The following ZNF267 variants were observed in gnomAD, a reference collection of about 807,000 sequenced individuals.
The protein encoded by ZNF267 is zinc finger (C2H2).
Under a neutral mutation model 71.6 loss-of-function variants are expected in ZNF267, and 61 were observed. The ratio of observed to expected loss-of-function variants is 0.85; its 90% CI spans 0.69 to 1.05. The LOEUF is 1.05. ZNF267 is among the 50% of genes least tolerant of loss of function. ZNF267 has a pLI of 0.00. For missense variants in ZNF267, 852 were observed against 870.0 expected (o/e 0.98, Z 0.26); for synonymous variants, 288 against 293.2 (o/e 0.98, Z 0.18).
At chr16:31,912,454 C>T (rs1295305511) in intron 3 of ZNF267, 1 of 151,560 alleles carries the variant, frequency 6.6e-6, no homozygotes, top group Admixed American at 6.6e-5. Context: ...TTTTTTCTTG[C>T]TGCTTTTAGG....
At position 31,916,945 on chromosome 16, in the gene ZNF267, A is replaced by G. The variant is rs1340279553; in HGVS notation, c.*464A>G. ...GTATTTTTTGTACAGAATAATCTAA[A>G]GGCAAAATAATTAGATAATTTATTT... is the stretch of plus-strand genomic sequence containing the variant. On this transcript the variant is annotated 3_prime_UTR_variant, in exon 4 of 4. Transcript: ENST00000300870. 1 of 155,932 alleles carries G rather than the reference A, an allele frequency of 6.4e-6. No homozygotes were observed. The highest frequency in any genetic ancestry group is 1.4e-5 in the Non-Finnish European group (1 of 70,342). The allele number at this position is 155,932 out of a possible 1,614,324, so 9.7% of individuals were successfully genotyped here.
At chr16:31,889,032 T>C (rs1369879696) in intron 3 of ZNF267, among the ~76,000 whole-genome samples, 1 of 152,032 alleles carries the variant, frequency 6.6e-6, no homozygotes, top group African/African-American at 2.4e-5. Flanking sequence ...TGTGGTGTTC[T>C]TTCTAAGAAT....
intron 2 of ZNF267, 82 bp downstream of exon 2, chr16:31,884,706 T>C: frequency 7.1e-7 from 1 of 1,406,762 alleles, no homozygotes; most frequent in Non-Finnish European, 9.6e-7. Context: ...TCTTGTGCTT[T>C]GTATGAGTTA....
At chr16:31,904,852 C>A (rs1814479808) in intron 3 of ZNF267, among the ~76,000 whole-genome samples, 1 of 152,162 alleles carries the variant, frequency 6.6e-6, no homozygotes, top group Admixed American at 6.5e-5. Flanking sequence ...TTATTTTGCT[C>A]ATTAGTTGAT....
intron 3 of ZNF267, among the ~76,000 whole-genome samples, chr16:31,899,442 T>C (rs1458417688): frequency 6.6e-6 from 1 of 152,094 alleles, no homozygotes; most frequent in Non-Finnish European, 1.5e-5. Flanking sequence ...ACTGGGTAAA[T>C]AACCAAATGA....
chr16:31,909,372 ATC>A (rs1337294602), intron 3 of ZNF267, among the ~76,000 whole-genome samples: 5 of 151,748 alleles, frequency 3.3e-5, no homozygotes, highest in Admixed American at 3.3e-4. Context: ...ACCTCAAGTG[ATC>A]TGCCCACCTC....
intron 3 of ZNF267, among the ~76,000 whole-genome samples, chr16:31,888,259 G>A (rs912587272): frequency 2.6e-5 from 4 of 151,842 alleles, no homozygotes; most frequent in Non-Finnish European, 5.9e-5. Context: ...TTTTTTGTTT[G>A]TTTGGTATAG....
rs1157389137 is a variant in ZNF267, at chr16:31,873,852, T to C, written c.-115T>C. The stretch of plus-strand genomic sequence containing the variant: ...CGCCACAGCTCCGAGTCTTTCGTTC[T>C]GGGAGGCCCAGGCGGCTTCGCGTTC... On this transcript the variant is annotated 5_prime_UTR_variant, in exon 1 of 4. Transcript: ENST00000300870. The C allele has an allele frequency of 5.5e-6, 8 of 1,448,426 alleles. No homozygotes were observed. Among genetic ancestry groups the C allele is most frequent in the East Asian group, 4.6e-5 (2 of 43,566 alleles). The allele number at this position is 1,448,426 out of a possible 1,614,324, so 89.7% of individuals were successfully genotyped here.
intron 1 of ZNF267, chr16:31,875,179 T>G (rs1467584991): frequency 7.8e-7 from 1 of 1,289,048 alleles, no homozygotes; most frequent in Non-Finnish European, 1.0e-6. Flanking sequence ...CTCTATCCAG[T>G]CTTTTCCTGT....
At chr16:31,901,007 G>A (rs1301227617) in intron 3 of ZNF267, among the ~76,000 whole-genome samples, 1 of 151,766 alleles carries the variant, frequency 6.6e-6, no homozygotes, top group East Asian at 1.9e-4. Context: ...GTGTCCATGT[G>A]TTCTCTTTGT....
intron 2 of ZNF267, 104 bp downstream of exon 2, chr16:31,884,728 T>G: frequency 1.6e-6 from 2 of 1,245,598 alleles, no homozygotes; most frequent in Non-Finnish European, 1.1e-6. Flanking sequence ...TTTTAGATTC[T>G]TGTTTTCAGG....
At chr16:31,912,956 C>T (rs555962987) in intron 3 of ZNF267, 2 of 152,278 alleles carry the variant, frequency 1.3e-5, no homozygotes, top group East Asian at 3.9e-4. Context: ...TATGTTGAAT[C>T]ATCTGTCTGA....
rs1447085351 is a variant in ZNF267 at position 31,916,065 on chromosome 16, T to C, written c.1816T>C (p.Cys606Arg). 1 of 1,614,130 alleles carries C rather than the reference T, an allele frequency of 6.2e-7. No individual in the cohort carries two copies. Among genetic ancestry groups the C allele is most frequent in the Admixed American group, 1.7e-5 (1 of 60,028 alleles). ...RTHTGEKPYT[C>R]KECGKAFSYS... The stretch of plus-strand genomic sequence containing the variant: ...TCATACTGGAGAGAAACCCTATACA[T>C]GTAAAGAATGTGGCAAAGCCTTTAG... The change falls in exon 4 of 4, where the codon TGT becomes CGT. Residue 606 changes from cysteine (C) to arginine (R), a missense_variant. Coordinates refer to ENST00000300870, the MANE Select transcript of ZNF267 (RefSeq NM_003414.6).
At chr16:31,904,673 A>T (rs148942022) in intron 3 of ZNF267, among the ~76,000 whole-genome samples, 2 of 152,096 alleles carry the variant, frequency 1.3e-5, no homozygotes, top group Non-Finnish European at 2.9e-5. Flanking sequence ...TTGAGCCTAT[A>T]TGTGTCTCTG....
intron 3 of ZNF267, among the ~76,000 whole-genome samples, chr16:31,887,678 A>G (rs373095598): frequency 2.0e-5 from 3 of 152,306 alleles, no homozygotes; most frequent in East Asian, 1.9e-4. Context: ...TTGTCAAAGT[A>G]ATAGTTGACT....
At chr16:31,896,119 C>T (rs925408940) in intron 3 of ZNF267, among the ~76,000 whole-genome samples, 3 of 152,148 alleles carry the variant, frequency 2.0e-5, no homozygotes, top group African/African-American at 7.2e-5. Flanking sequence ...TCAAGTGATG[C>T]TCCTGTCTCA....
chr16:31,896,325 A>T (rs2083998613), intron 3 of ZNF267, among the ~76,000 whole-genome samples: 2 of 152,158 alleles, frequency 1.3e-5, no homozygotes, highest in African/African-American at 4.8e-5. Flanking sequence ...CATGCTTTTG[A>T]AGTCTTATTT....
intron 3 of ZNF267, among the ~76,000 whole-genome samples, chr16:31,904,864 T>C (rs1472670626): frequency 6.6e-6 from 1 of 152,212 alleles, no homozygotes; most frequent in African/African-American, 2.4e-5. Context: ...TTAGTTGATG[T>C]AGTTTCTTTC....
Position 31,903,318 on chromosome 16 carries a change from G to A in ZNF267, c.227-11158G>A, listed in dbSNP as rs1039798124. 3.3e-5 allele frequency among the ~76,000 whole-genome samples: 5 copies of A among 152,204 alleles called. No homozygotes were observed. In the South Asian group the frequency reaches 1.0e-3, roughly 32 times the overall value. The stretch of plus-strand genomic sequence containing the variant: ...TGGCCTGATAAAATGAGTTAGGGAG[G>A]GATTCCCTCTTTTTCTATTGATTGG... On this transcript the variant is annotated intron_variant, in intron 3 of 3. Transcript: ENST00000300870.
Sources: gnomAD v4.1 joint callset for allele counts (sites outside exome capture counted in the v4.1 genomes callset) on GRCh38, gnomAD v4.1.1 for gene constraint, MANE v1.5 for transcripts, NCBI Gene and HGNC (gene_info 2026-07-23, HGNC 2026-07-21) for gene names.